The following NCOR1 variants were observed in gnomAD, a reference collection of about 807,000 sequenced individuals.
NCOR1 encodes nuclear receptor corepressor 1, also known as protein phosphatase 1, regulatory subunit 109.
In NCOR1, 63 loss-of-function variants were observed where a neutral mutation model predicts 288.1. The ratio of observed to expected loss-of-function variants is 0.22; its 90% CI spans 0.18 to 0.27. The LOEUF is 0.27. NCOR1 is among the 10% of genes least tolerant of loss of function. The pLI is 1.00. For missense variants in NCOR1, 2,397 were observed against 3,019.2 expected (o/e 0.79, Z 4.83); for synonymous variants, 1,007 against 1,065.9 (o/e 0.94, Z 1.08).
At chr17:16,168,575 ATACCCACCG>A (rs2082492485) in intron 4 of NCOR1, among the ~76,000 whole-genome samples, 1 of 152,186 alleles carries the variant, frequency 6.6e-6, no homozygotes, top group South Asian at 2.1e-4. Context: ...CAATCTGGAA[ATACCCACCG>A]TACCTTAAAA....
chr17:16,054,583 A>G (rs931315446), intron 40 of NCOR1, among the ~76,000 whole-genome samples: 10 of 152,074 alleles, frequency 6.6e-5, no homozygotes, highest in African/African-American at 2.4e-4. Flanking sequence ...GAAGACATAT[A>G]TGCAGCCAAG....
intron 11 of NCOR1, among the ~76,000 whole-genome samples, chr17:16,142,083 G>A (rs1446989844): frequency 6.6e-6 from 1 of 152,092 alleles, no homozygotes; most frequent in Non-Finnish European, 1.5e-5. Context: ...CAAAGATGTA[G>A]TTAGTCCACC....
intron 21 of NCOR1, among the ~76,000 whole-genome samples, chr17:16,095,393 T>TA (rs2066277542): frequency 7.1e-6 from 1 of 141,180 alleles, no homozygotes; most frequent in Non-Finnish European, 1.5e-5. Flanking sequence ...GGGAGGGAGG[T>TA]GGGGGGTCAG....
At chr17:16,135,283 GA>G (rs1267817239) in intron 14 of NCOR1, among the ~76,000 whole-genome samples, 1 of 151,422 alleles carries the variant, frequency 6.6e-6, no homozygotes, top group Non-Finnish European at 1.5e-5. Flanking sequence ...GAAGCAGGAA[GA>G]AAAGCCCTGG....
In NCOR1 at chr17:16,101,844, A is replaced by T. The variant is rs753358476; in HGVS notation, c.2183-87T>A. 90 of 1,498,864 alleles carry T rather than the reference A, an allele frequency of 6.0e-5. 1 individual carries two copies. The highest frequency in any genetic ancestry group is 7.7e-5 in the Non-Finnish European group (85 of 1,105,222). The allele number at this position is 1,498,864 out of a possible 1,614,324, so 92.8% of individuals were successfully genotyped here. ...ATACAGCATAAAAATCTGATAATGA[A>T]CATGTTTCAGGTGGTGATAGAAACC... On this transcript the variant is annotated intron_variant, in intron 19 of 45. Coordinates refer to ENST00000268712, the MANE Select transcript of NCOR1 (RefSeq NM_006311.4).
intron 40 of NCOR1, among the ~76,000 whole-genome samples, chr17:16,055,622 C>T (rs1049277328): frequency 3.9e-5 from 6 of 152,140 alleles, no homozygotes; most frequent in Admixed American, 2.6e-4. Flanking sequence ...CAAACCCCCA[C>T]GACTCAAGTT....
chr17:16,062,019 TGACTATACTTA>T, intron 36 of NCOR1, 75 bp downstream of exon 36: 1 of 1,582,464 alleles, frequency 6.3e-7, no homozygotes. Flanking sequence ...CAGAAAAGCA[TGACTATACTTA>T]GACTATTGCA....
At chr17:16,142,949 G>A (rs1345524706) in intron 11 of NCOR1, among the ~76,000 whole-genome samples, 1 of 152,160 alleles carries the variant, frequency 6.6e-6, no homozygotes, top group East Asian at 1.9e-4. Flanking sequence ...AAAAATTAGT[G>A]AAATGGCGTT....
chr17:16,099,516 T>TTTTCCAAGGAA (rs2067231764), intron 20 of NCOR1, among the ~76,000 whole-genome samples: 1 of 152,216 alleles, frequency 6.6e-6, no homozygotes, highest in African/African-American at 2.4e-5. Flanking sequence ...ACCATCATAT[T>TTTTCCAAGGAA]TTTCCAAGGA....
chr17:16,111,766 T>C, intron 18 of NCOR1, among the ~76,000 whole-genome samples: 1 of 152,254 alleles, frequency 6.6e-6, no homozygotes, highest in Non-Finnish European at 1.5e-5. Context: ...CAGGAGCCAG[T>C]TCCTTAAATC....
chr17:16,125,547 A>G (rs545466222), intron 15 of NCOR1, among the ~76,000 whole-genome samples: 1 of 151,784 alleles, frequency 6.6e-6, no homozygotes, highest in African/African-American at 2.4e-5. Context: ...CTAAAAATAC[A>G]AAAAATTAGC....
intron 22 of NCOR1, among the ~76,000 whole-genome samples, chr17:16,089,576 C>T (rs2064843083): frequency 6.6e-6 from 1 of 152,004 alleles, no homozygotes; most frequent in South Asian, 2.1e-4. Context: ...ACAAGTGCTG[C>T]CTGTTACTTG....
intron 3 of NCOR1, among the ~76,000 whole-genome samples, chr17:16,183,012 T>C (rs1600116458): frequency 6.6e-6 from 1 of 151,980 alleles, no homozygotes; most frequent in Non-Finnish European, 1.5e-5. Flanking sequence ...CTCAACAGTT[T>C]AGGAAAAGAA....
At chr17:16,117,429 T>A (rs2071867006) in intron 18 of NCOR1, among the ~76,000 whole-genome samples, 1 of 151,144 alleles carries the variant, frequency 6.6e-6, no homozygotes, top group African/African-American at 2.4e-5. Flanking sequence ...ATACTAAAAA[T>A]TTAGCATACC....
At chr17:16,046,804 C>T in intron 42 of NCOR1, 147 bp downstream of exon 42, 1 of 894,306 alleles carries the variant, frequency 1.1e-6, no homozygotes, top group Non-Finnish European at 1.6e-6. Context: ...GGCTGGCAGA[C>T]ACTTGAGAAG....
chr17:16,109,735 A>T (rs1386111340), intron 18 of NCOR1, among the ~76,000 whole-genome samples: 3 of 84,408 alleles, frequency 3.6e-5, no homozygotes, highest in African/African-American at 5.8e-5. Flanking sequence ...TTTACCACTC[A>T]ATTTATTTTT....
At chr17:16,137,530 C>A (rs2076598314) in intron 13 of NCOR1, 118 bp from the exon 14 acceptor site, 2 of 553,966 alleles carry the variant, frequency 3.6e-6, no homozygotes, top group Non-Finnish European at 6.1e-6. Context: ...AGAAAAAGAA[C>A]AACATACATT....
intron 10 of NCOR1, 41 bp from the exon 11 acceptor site, chr17:16,143,737 T>C (rs986394141): frequency 2.3e-5 from 32 of 1,409,480 alleles, no homozygotes; most frequent in Non-Finnish European, 2.5e-5. Flanking sequence ...TTAAAGACCT[T>C]ATATAAAGAC....
intron 34 of NCOR1, 40 bp downstream of exon 34, chr17:16,064,830 G>T: frequency 2.0e-6 from 3 of 1,498,020 alleles, no homozygotes; most frequent in Non-Finnish European, 2.7e-6. Context: ...ATGTAAACAT[G>T]ATGGTTCTAT....
Sources: allele counts gnomAD v4.1 joint callset (sites outside exome capture counted in the v4.1 genomes callset), GRCh38; gene constraint gnomAD v4.1.1; transcripts MANE v1.5; gene names NCBI Gene and HGNC (gene_info 2026-07-23, HGNC 2026-07-21).